The following MARK3 variants were observed in gnomAD, a reference collection of about 807,000 sequenced individuals.
MARK3 encodes MAP/microtubule affinity-regulating kinase 3.
In MARK3, 46 loss-of-function variants were observed where a neutral mutation model predicts 90.1. That is an observed-to-expected ratio of 0.51 (90% CI 0.40 to 0.65). MARK3 has a LOEUF of 0.65. MARK3 is among the 30% of genes least tolerant of loss of function. MARK3 has a pLI of 0.00. For synonymous variants in MARK3, 321 were observed against 332.6 expected, an observed-to-expected ratio of 0.97 and a Z score of 0.38; for missense variants, 818 against 947.2, an observed-to-expected ratio of 0.86 and a Z score of 1.79.
intron 12 of MARK3, among the ~76,000 whole-genome samples, chr14:103,470,428 C>T (rs1383188204): frequency 1.5e-5 from 2 of 136,770 alleles, no homozygotes; most frequent in Non-Finnish European, 3.2e-5. Context: ...TTTAATTCTA[C>T]TATTCCAGGA....
intron 3 of MARK3, among the ~76,000 whole-genome samples, chr14:103,428,871 A>G (rs1412886937): frequency 1.3e-5 from 2 of 152,204 alleles, no homozygotes; most frequent in East Asian, 1.9e-4. Flanking sequence ...GACACACCAC[A>G]TCTGATTAAG....
At chr14:103,407,554 CTTTTTTTTTTT>C (rs71460673) in intron 2 of MARK3, among the ~76,000 whole-genome samples, 19 of 71,660 alleles carry the variant, frequency 2.7e-4, no homozygotes, top group East Asian at 5.3e-4. Context: ...TGTTTTGCCT[CTTTTTTTTTTT>C]TTTTTTTTTT....
intron 6 of MARK3, among the ~76,000 whole-genome samples, chr14:103,460,925 G>A: frequency 6.6e-6 from 1 of 152,112 alleles, no homozygotes; most frequent in East Asian, 1.9e-4. Context: ...TGGAATTTTT[G>A]TACCTTTTGT....
chr14:103,412,398 C>G (rs111367179), intron 2 of MARK3: 1 of 600,544 alleles, frequency 1.7e-6, no homozygotes, highest in Admixed American at 2.5e-5. Context: ...AGGCCTATGC[C>G]GAGGATTCGT....
chr14:103,393,086 C>T (rs1222530821), intron 1 of MARK3, among the ~76,000 whole-genome samples: 6 of 152,182 alleles, frequency 3.9e-5, no homozygotes, highest in African/African-American at 1.4e-4. Context: ...TGGCTTCAAG[C>T]AATTCTGCCT....
intron 3 of MARK3, among the ~76,000 whole-genome samples, chr14:103,441,779 C>T (rs191335899): frequency 2.0e-5 from 3 of 152,164 alleles, no homozygotes; most frequent in Non-Finnish European, 4.4e-5. Context: ...TGATCTGCAT[C>T]GTGGACAGAG....
intron 2 of MARK3, chr14:103,412,872 T>A (rs1490169016): frequency 3.1e-6 from 1 of 318,390 alleles, no homozygotes; most frequent in Non-Finnish European, 6.0e-6. Flanking sequence ...CTTTCTTTTT[T>A]TTCTTTCTTT....
chr14:103,416,987 G>A (rs192408179), intron 2 of MARK3, among the ~76,000 whole-genome samples: 1 of 152,172 alleles, frequency 6.6e-6, no homozygotes, highest in Non-Finnish European at 1.5e-5. Flanking sequence ...AGATAAGCAG[G>A]AGAGTGAATG....
rs992534345 is a variant in MARK3, at chr14:103,503,322, A to G, written c.*95A>G. The G allele has an allele frequency of 9.1e-7, 1 of 1,104,194 alleles. No individual in the cohort carries two copies. The highest frequency in any genetic ancestry group is 1.3e-6 in the Non-Finnish European group (1 of 777,800). 68.4% of individuals were successfully genotyped at this position (1,104,194 alleles called of 1,614,324 possible). A position where few individuals can be genotyped will look rare whatever the true frequency, so the allele number is the denominator to read the frequency against. ...ATAATATTTAGGCAATAACGTCTGC[A>G]TCTTCTAAATCATGAAATTAAAGTC... On this transcript the variant is annotated 3_prime_UTR_variant, in exon 18 of 18. Coordinates refer to ENST00000429436, the MANE Select transcript of MARK3 (RefSeq NM_001128918.3).
At chr14:103,444,550 G>T (rs896164152) in intron 3 of MARK3, among the ~76,000 whole-genome samples, 1 of 152,142 alleles carries the variant, frequency 6.6e-6, no homozygotes, top group Admixed American at 6.5e-5. Flanking sequence ...AGGCCGAGGC[G>T]GGCGGATCAC....
chr14:103,458,358 C>T (rs1460602201), intron 6 of MARK3, among the ~76,000 whole-genome samples: 4 of 147,096 alleles, frequency 2.7e-5, no homozygotes, highest in African/African-American at 1.0e-4. Context: ...ACTGGGGAGG[C>T]TGAGGCAGGA....
At chr14:103,407,322 A>G (rs2091361583) in intron 2 of MARK3, among the ~76,000 whole-genome samples, 1 of 152,154 alleles carries the variant, frequency 6.6e-6, no homozygotes, top group South Asian at 2.1e-4. Flanking sequence ...TTGCTAATCA[A>G]TATTATTGTC....
intron 14 of MARK3, among the ~76,000 whole-genome samples, chr14:103,486,937 T>A (rs1047338859): frequency 4.2e-5 from 6 of 143,824 alleles, no homozygotes; most frequent in Admixed American, 7.0e-5. Context: ...TATTTTAATT[T>A]GAAACAGTCT....
chr14:103,455,551 AC>A (rs2093257217), intron 5 of MARK3, among the ~76,000 whole-genome samples: 1 of 151,850 alleles, frequency 6.6e-6, no homozygotes, highest in African/African-American at 2.4e-5. Context: ...ACGTGGTGAA[AC>A]CCCCATCTCT....
intron 2 of MARK3, among the ~76,000 whole-genome samples, chr14:103,408,173 A>C (rs1472316904): frequency 6.6e-6 from 1 of 152,078 alleles, no homozygotes; most frequent in Admixed American, 6.5e-5. Flanking sequence ...TGAATGCAAT[A>C]ATACTGTTTT....
At chr14:103,402,288 C>T (rs1248388571) in intron 1 of MARK3, among the ~76,000 whole-genome samples, 1 of 152,154 alleles carries the variant, frequency 6.6e-6, no homozygotes, top group Non-Finnish European at 1.5e-5. Context: ...CGCGGTGGCT[C>T]ATGCCTGTAA....
At chr14:103,402,877 G>A (rs752931769) in intron 1 of MARK3, among the ~76,000 whole-genome samples, 1 of 152,302 alleles carries the variant, frequency 6.6e-6, no homozygotes, top group Non-Finnish European at 1.5e-5. Context: ...AGCCCTGATT[G>A]GTGAGTGACA....
chr14:103,486,419 G>A (rs1439069291), intron 14 of MARK3, among the ~76,000 whole-genome samples: 2 of 151,996 alleles, frequency 1.3e-5, no homozygotes, highest in African/African-American at 4.8e-5. Context: ...AGCCTGGACG[G>A]TAGAGCCAGA....
At chr14:103,422,081 G>C (rs2092243443) in intron 2 of MARK3, among the ~76,000 whole-genome samples, 1 of 152,114 alleles carries the variant, frequency 6.6e-6, no homozygotes, top group Non-Finnish European at 1.5e-5. Flanking sequence ...AGTCTTACTT[G>C]TTTTTCAGGT....
Sources: allele counts gnomAD v4.1 joint callset (sites outside exome capture counted in the v4.1 genomes callset), GRCh38; gene constraint gnomAD v4.1.1; transcripts MANE v1.5; gene names NCBI Gene and HGNC (gene_info 2026-07-23, HGNC 2026-07-21).